The following FRMPD4 variants were observed in gnomAD, a reference collection of about 807,000 sequenced individuals.
The protein encoded by FRMPD4 is FERM and PDZ domain-containing protein 4.
A neutral mutation model predicts 94.1 loss-of-function variants in FRMPD4; 22 were observed. The observed-to-expected ratio is 0.23, with a 90% CI of 0.17 to 0.33. The LOEUF is 0.33. Ranked by LOEUF, FRMPD4 falls within the 10% of genes least tolerant of loss-of-function variation. The probability of loss-of-function intolerance (pLI) is 1.00; values close to 1 mark genes in which losing one functional copy is unlikely to be tolerated. For missense variants in FRMPD4, 1,111 were observed against 1,339.9 expected (o/e 0.83, Z 2.67); for synonymous variants, 631 against 548.6 (o/e 1.15, Z -2.10).
rs1461743457 is a variant in FRMPD4 at position 12,710,451 on chromosome X, C to T, written c.1523C>T (p.Thr508Met). Residue 508 changes from threonine (T) to methionine (M), a missense_variant, in exon 14 of 17, where the codon ACG becomes ATG. Coordinates refer to ENST00000675598, the MANE Select transcript of FRMPD4 (RefSeq NM_001368397.1). The part of the protein sequence containing the change: ...SSDAMNLACL[T>M]AGYYRLLVDS... ...GATGCCATGAACCTGGCCTGCTTGA[C>T]GGCTGGATACTACCGGCTGCTTGTT... is the stretch of plus-strand genomic sequence containing the variant. 1.8e-5 allele frequency: 21 copies of T among 1,196,319 alleles called. No homozygotes were observed. The highest frequency in any genetic ancestry group is 2.4e-5 in the Non-Finnish European group (21 of 883,428).
intron 1 of FRMPD4, chrX:12,396,236 A>C (rs1426252524): frequency 8.9e-6 from 1 of 111,863 alleles, no homozygotes. Context: ...GAGGTGTAGA[A>C]TTTGAGAGCT....
At chrX:12,564,456 G>T (rs1305445453) in intron 2 of FRMPD4, among the ~76,000 whole-genome samples, 1 of 111,835 alleles carries the variant, frequency 8.9e-6, no homozygotes, top group African/African-American at 3.3e-5. Context: ...TGGCAATGAG[G>T]AATTCTTCAG....
chrX:11,916,457 A>G (rs1436339114), intron 3 of FRMPD4, among the ~76,000 whole-genome samples: 3 of 111,129 alleles, frequency 2.7e-5, no homozygotes, highest in African/African-American at 9.8e-5. Flanking sequence ...GGATAATGAA[A>G]TCTTGAACTC....
intron 2 of FRMPD4, among the ~76,000 whole-genome samples, chrX:12,510,309 C>T (rs999082496): frequency 1.8e-5 from 2 of 111,987 alleles, no homozygotes; most frequent in African/African-American, 6.5e-5. Context: ...AAAATGTGGA[C>T]TTTAGTTAAT....
At chrX:12,411,938 G>T (rs1422174624) in intron 1 of FRMPD4, among the ~76,000 whole-genome samples, 1 of 111,539 alleles carries the variant, frequency 9.0e-6, no homozygotes, top group African/African-American at 3.3e-5. Flanking sequence ...TTTTACTTGG[G>T]CAAGTTTGTC....
chrX:12,301,314 G>A (rs1174436337), intron 1 of FRMPD4, among the ~76,000 whole-genome samples: 1 of 111,753 alleles, frequency 8.9e-6, no homozygotes, highest in Non-Finnish European at 1.9e-5. Flanking sequence ...CCTGGCATCG[G>A]TCTACGGATG....
chrX:12,329,218 G>A (rs2055333952), intron 1 of FRMPD4, among the ~76,000 whole-genome samples: 1 of 112,059 alleles, frequency 8.9e-6, no homozygotes, highest in Admixed American at 9.5e-5. Context: ...TTCTGGGTGT[G>A]GGGCAGAACC....
chrX:12,299,985 A>G (rs1178363030), intron 1 of FRMPD4, among the ~76,000 whole-genome samples: 2 of 112,435 alleles, frequency 1.8e-5, no homozygotes, highest in African/African-American at 6.5e-5. Context: ...ATAAAAGCTT[A>G]CAAAATTCAA....
At chrX:12,231,504 C>T (rs780446772) in intron 1 of FRMPD4, among the ~76,000 whole-genome samples, 8 of 111,212 alleles carry the variant, frequency 7.2e-5, no homozygotes, top group African/African-American at 2.0e-4. Context: ...ACATAAGGCC[C>T]CCATGTGGCC....
intron 3 of FRMPD4, among the ~76,000 whole-genome samples, chrX:12,102,295 T>A (rs146395120): frequency 8.9e-6 from 1 of 112,217 alleles, no homozygotes; most frequent in East Asian, 2.8e-4. Context: ...TAAGCTTATG[T>A]ATGTCATTAT....
intron 1 of FRMPD4, among the ~76,000 whole-genome samples, chrX:12,344,523 G>A (rs1045455314): frequency 2.7e-5 from 3 of 111,442 alleles, no homozygotes; most frequent in African/African-American, 9.8e-5. Context: ...AAACCAACCC[G>A]TTTTCTTTAT....
chrX:12,324,594 A>C (rs1372633499), intron 1 of FRMPD4, among the ~76,000 whole-genome samples: 2 of 111,970 alleles, frequency 1.8e-5, no homozygotes, highest in African/African-American at 6.5e-5. Flanking sequence ...CATGCTACAG[A>C]TAATTTTTTC....
intron 1 of FRMPD4, among the ~76,000 whole-genome samples, chrX:12,416,810 G>T (rs562614126): frequency 9.0e-6 from 1 of 111,634 alleles, no homozygotes; most frequent in Middle Eastern, 4.6e-3. Flanking sequence ...TTGTCTGGTT[G>T]TACCTTTCCT....
At chrX:12,565,660 A>T (rs1365674827) in intron 2 of FRMPD4, among the ~76,000 whole-genome samples, 1 of 112,251 alleles carries the variant, frequency 8.9e-6, no homozygotes, top group African/African-American at 3.2e-5. Context: ...CATGACTACT[A>T]AGTGCAATGT....
intron 1 of FRMPD4, among the ~76,000 whole-genome samples, chrX:12,217,302 T>C (rs1480365222): frequency 9.0e-6 from 1 of 111,383 alleles, no homozygotes; most frequent in Non-Finnish European, 1.9e-5. Flanking sequence ...AAGAGAAGGT[T>C]GAAAAGAAGG....
At chrX:12,583,583 A>T in intron 2 of FRMPD4, 1 of 664,597 alleles carries the variant, frequency 1.5e-6, no homozygotes, top group South Asian at 2.6e-5. Flanking sequence ...TAACCGCACC[A>T]GCTGAGCCTC....
At chrX:12,040,656 T>C (rs1255353554) in intron 3 of FRMPD4, among the ~76,000 whole-genome samples, 2 of 100,049 alleles carry the variant, frequency 2.0e-5, no homozygotes, top group African/African-American at 7.4e-5. Flanking sequence ...GCCTCCCAAG[T>C]AGCTGGGACT....
At chrX:12,279,318 C>T (rs1186605499) in intron 1 of FRMPD4, among the ~76,000 whole-genome samples, 1 of 111,802 alleles carries the variant, frequency 8.9e-6, no homozygotes, top group Non-Finnish European at 1.9e-5. Context: ...CTTGGTGGAC[C>T]CAACTCTCTT....
At chrX:12,219,492 G>T (rs2056841189) in intron 1 of FRMPD4, among the ~76,000 whole-genome samples, 2 of 112,269 alleles carry the variant, frequency 1.8e-5, no homozygotes, top group African/African-American at 6.5e-5. Context: ...TATTTGTGAG[G>T]TACTTTGACT....
Sources: allele counts gnomAD v4.1 joint callset (sites outside exome capture counted in the v4.1 genomes callset), GRCh38; gene constraint gnomAD v4.1.1; transcripts MANE v1.5; gene names NCBI Gene and HGNC (gene_info 2026-07-23, HGNC 2026-07-21).